SFXN5: variants seen among roughly 807,000 people sequenced by gnomAD.
The protein encoded by SFXN5 is sideroflexin 5.
In SFXN5, 43 loss-of-function variants were observed where a neutral mutation model predicts 50.2. The observed-to-expected ratio is 0.86, with a 90% CI of 0.67 to 1.11. The LOEUF (loss-of-function observed/expected upper bound fraction) is 1.11. Ranked by LOEUF, SFXN5 falls within the 50% of genes least tolerant of loss-of-function variation. SFXN5 has a pLI of 0.00. For synonymous variants in SFXN5, 203 were observed against 185.8 expected (o/e 1.09, Z -0.75); for missense variants, 463 against 454.1 (o/e 1.02, Z -0.18).
chr2:73,050,388 G>GCGCACACACACACACACA, intron 2 of SFXN5, among the ~76,000 whole-genome samples: 1,956 of 143,878 alleles, frequency 0.014, 16 homozygotes, highest in South Asian at 0.027. Context: ...CAGCCACAGC[G>GCGCACACACACACACACA]CACGCACACA....
intron 6 of SFXN5, among the ~76,000 whole-genome samples, chr2:73,007,184 C>T (rs1674794232): frequency 6.6e-6 from 1 of 152,158 alleles, no homozygotes; most frequent in African/African-American, 2.4e-5. Context: ...GGACTCAGAA[C>T]TGAGCAAGCC....
At chr2:73,039,848 T>C (rs1338546095) in intron 3 of SFXN5, among the ~76,000 whole-genome samples, 2 of 152,154 alleles carry the variant, frequency 1.3e-5, no homozygotes, top group South Asian at 2.1e-4. Flanking sequence ...TTTCGCTTTG[T>C]TGCCCAGGCT....
rs1413566253 is a variant in SFXN5 at position 72,961,831 on chromosome 2, C to T, written c.828-583G>A. On this transcript the variant is annotated intron_variant, in intron 12 of 13. Transcript: ENST00000272433. The surrounding 1 kb of genome is among the most constrained non-coding windows in gnomAD (Gnocchi z 4.4). ...AAGGGCAACAGAGGGTGCAATGACT[C>T]GTCCAAGGCCAAGTCTGCAGGAGGC... 1.3e-5 allele frequency among the ~76,000 whole-genome samples: 2 copies of T among 152,196 alleles called. No homozygotes were observed. Among genetic ancestry groups the T allele is most frequent in the Non-Finnish European group, 2.9e-5 (2 of 68,036 alleles).
At chr2:73,050,388 G>GCGCGCGCGCACACACACACACACACACA in intron 2 of SFXN5, among the ~76,000 whole-genome samples, 45 of 143,910 alleles carry the variant, frequency 3.1e-4, no homozygotes, top group Middle Eastern at 3.5e-3. Context: ...CAGCCACAGC[G>GCGCGCGCGCACACACACACACACACACA]CACGCACACA....
Position 72,960,931 on chromosome 2 carries a change from C to T in SFXN5, c.945+200G>A, listed in dbSNP as rs1041929741. Among the ~76,000 whole-genome samples, 3 of 152,238 alleles carry T rather than the reference C, an allele frequency of 2.0e-5. No homozygotes were observed. Among genetic ancestry groups the T allele is most frequent in the Non-Finnish European group, 4.4e-5 (3 of 68,042 alleles). The stretch of plus-strand genomic sequence containing the variant: ...TCCCACCCTAACGCTCCTGGCTCCT[C>T]ATCTGCTGGCCTCTGTTTAATCACC... On this transcript the variant is annotated intron_variant, in intron 13 of 13. Coordinates refer to ENST00000272433, the MANE Select transcript of SFXN5 (RefSeq NM_144579.3). This position sits in a 1 kb window ranked among gnomAD's most constrained non-coding sequence, Gnocchi z 6.1.
chr2:72,961,028 G>A lies in SFXN5; in HGVS notation c.945+103C>T, dbSNP rs753438117. ...CCTCATTCACGGTTCCAGCCCCAGC[G>A]CCTAGCATGGCGCTAAGGAGTCGGC... is the stretch of plus-strand genomic sequence containing the variant. On this transcript the variant is annotated intron_variant, in intron 13 of 13. Transcript: ENST00000272433. This position sits in a 1 kb window ranked among gnomAD's most constrained non-coding sequence, Gnocchi z 4.4. The A allele has an allele frequency of 4.1e-5, 33 of 795,846 alleles. No individual in the cohort carries two copies. The highest frequency in any genetic ancestry group is 7.2e-5 in the South Asian group (3 of 41,610). 49.3% of individuals were successfully genotyped at this position (795,846 alleles called of 1,614,324 possible).
In SFXN5 at chr2:72,955,291, G is replaced by GC. The variant is rs567820795; in HGVS notation, c.945+5839dup. On this transcript the variant is annotated intron_variant, in intron 13 of 13. Coordinates refer to ENST00000272433, the MANE Select transcript of SFXN5 (RefSeq NM_144579.3). The stretch of plus-strand genomic sequence containing the variant: ...TGGCTCGCTCGCCCGCCCGCCGCCC[G>GC]CCCGTTCACGCAGTAATCCCGCTGC... 9.6e-4 allele frequency among the ~76,000 whole-genome samples: 146 copies of GC among 152,236 alleles called. 1 individual carries two copies. Among genetic ancestry groups the GC allele is most frequent in the Non-Finnish European group, 1.6e-3 (108 of 68,010 alleles).
chr2:73,031,647 G>A (rs1387056908), intron 3 of SFXN5, among the ~76,000 whole-genome samples: 1 of 152,194 alleles, frequency 6.6e-6, no homozygotes, highest in Non-Finnish European at 1.5e-5. Context: ...CTCTTCTTGA[G>A]GCATCTGACA....
At chr2:73,012,217 A>G in intron 6 of SFXN5, among the ~76,000 whole-genome samples, 1 of 152,200 alleles carries the variant, frequency 6.6e-6, no homozygotes, top group East Asian at 1.9e-4. Flanking sequence ...TACAGGGGTT[A>G]CTCTGGGCAG....
At chr2:73,068,495 C>T (rs1683333077) in intron 1 of SFXN5, among the ~76,000 whole-genome samples, 1 of 152,156 alleles carries the variant, frequency 6.6e-6, no homozygotes, top group South Asian at 2.1e-4. Context: ...TCAAACATGA[C>T]ACCACTTGCA....
At chr2:72,977,387 T>C (rs1191421784) in intron 10 of SFXN5, among the ~76,000 whole-genome samples, 1 of 152,084 alleles carries the variant, frequency 6.6e-6, no homozygotes, top group African/African-American at 2.4e-5. Context: ...GAAAAAGATA[T>C]GGTGATCAAA....
At chr2:73,029,381 G>A (rs545028321) in intron 3 of SFXN5, among the ~76,000 whole-genome samples, 9 of 152,274 alleles carry the variant, frequency 5.9e-5, no homozygotes, top group South Asian at 4.1e-4. Context: ...CTCATAGAAC[G>A]TGCTCAATAG....
At chr2:73,062,070 T>A (rs1283162429) in intron 1 of SFXN5, among the ~76,000 whole-genome samples, 1 of 152,186 alleles carries the variant, frequency 6.6e-6, no homozygotes, top group Non-Finnish European at 1.5e-5. Context: ...TGAGCTATGA[T>A]CATGCCACTG....
chr2:73,006,966 T>C (rs778410001), intron 6 of SFXN5, among the ~76,000 whole-genome samples: 6 of 152,216 alleles, frequency 3.9e-5, no homozygotes, highest in Non-Finnish European at 8.8e-5. Flanking sequence ...GGCACCCATA[T>C]GGTAACTTGC....
chr2:72,972,957 C>T (rs1396076507), intron 10 of SFXN5, among the ~76,000 whole-genome samples: 1 of 151,838 alleles, frequency 6.6e-6, no homozygotes, highest in Non-Finnish European at 1.5e-5. Context: ...GGTGGCGGGG[C>T]CTAGTGGGCA....
At position 73,023,218 on chromosome 2, in the gene SFXN5, G is replaced by C. The variant is rs1477290214; in HGVS notation, c.250-4C>G. The C allele has an allele frequency of 1.2e-6, 2 of 1,600,824 alleles. No individual in the cohort carries two copies. The highest frequency in any genetic ancestry group is 2.7e-5 in the African/African-American group (2 of 74,352). On this transcript the variant is annotated splice_polypyrimidine_tract_variant and splice_region_variant and intron_variant, in intron 3 of 13. Transcript: ENST00000272433. ...TGATTTTCTGTGCACTCCAGAGCTG[G>C]AAGAGAGATAAAGGAAAAGAAAATA...
At chr2:73,041,685 CCTT>C in intron 2 of SFXN5, 1 of 385,004 alleles carries the variant, frequency 2.6e-6, no homozygotes, top group Non-Finnish European at 5.3e-6. Context: ...AAATAGAAAG[CCTT>C]TATAAGGAGG....
At position 72,944,221 on chromosome 2, in the gene SFXN5, C is replaced by T. The variant is rs987117029; in HGVS notation, c.*801G>A. The stretch of plus-strand genomic sequence containing the variant: ...CAGGTCCATGGTTCCTGCCAAGCAC[C>T]ATTCCTTCTCGGGGTTTCCTGCCTG... On this transcript the variant is annotated 3_prime_UTR_variant, in exon 14 of 14. Coordinates refer to ENST00000272433, the MANE Select transcript of SFXN5 (RefSeq NM_144579.3). The T allele has an allele frequency of 3.3e-5, 5 of 152,248 alleles. No individual in the cohort carries two copies. Among genetic ancestry groups the T allele is most frequent in the African/African-American group, 1.2e-4 (5 of 41,438 alleles). 9.4% of individuals were successfully genotyped at this position (152,248 alleles called of 1,614,324 possible). A position where few individuals can be genotyped will look rare whatever the true frequency, so the allele number is the denominator to read the frequency against.
chr2:73,068,547 T>A (rs1168267435), intron 1 of SFXN5, among the ~76,000 whole-genome samples: 3 of 152,056 alleles, frequency 2.0e-5, no homozygotes, highest in Non-Finnish European at 2.9e-5. Flanking sequence ...GAAAAGTTGG[T>A]CCACCTCCCC....
Sources: allele counts gnomAD v4.1 joint callset (sites outside exome capture counted in the v4.1 genomes callset), GRCh38; gene constraint gnomAD v4.1.1; non-coding constraint Gnocchi (gnomAD v3.1); transcripts MANE v1.5; gene names NCBI Gene and HGNC (gene_info 2026-07-23, HGNC 2026-07-21).